The following FGFRL1 variants were observed in gnomAD, a reference collection of about 807,000 sequenced individuals.
FGFRL1 encodes fibroblast growth factor receptor-like 1.
A neutral mutation model predicts 36.8 loss-of-function variants in FGFRL1; 24 were observed. That is an observed-to-expected ratio of 0.65 (90% CI 0.47 to 0.92). FGFRL1 has a LOEUF of 0.92. FGFRL1 is among the 40% of genes least tolerant of loss of function. The pLI is 0.00. For synonymous variants in FGFRL1, 422 were observed against 344.1 expected, an observed-to-expected ratio of 1.23 and a Z score of -2.50; for missense variants, 785 against 753.4, an observed-to-expected ratio of 1.04 and a Z score of -0.49.
In FGFRL1 at chr4:1,022,416, T is replaced by G; in HGVS notation, c.293T>G (p.Val98Gly). ...GAGCGGGAGGATGCCGGCGTGTACG[T>G]GTGCAAGGCCACCAACGGCTTCGGC... The part of the protein sequence containing the change: ...QVEREDAGVY[V>G]CKATNGFGSL... Residue 98 changes from valine (V) to glycine (G), a missense_variant, in exon 3 of 7, where the codon GTG (valine) becomes GGG (glycine). Physicochemically the swap from Val to Gly is moderately radical, Grantham distance 109 (BLOSUM62 -3). Coordinates refer to ENST00000510644, the MANE Select transcript of FGFRL1 (RefSeq NM_001004356.3). 1 of 1,611,644 alleles carries G rather than the reference T, an allele frequency of 6.2e-7. No homozygotes were observed. Among genetic ancestry groups the G allele is most frequent in the South Asian group, 1.1e-5 (1 of 90,996 alleles).
chr4:1,019,806 G>C (rs1294720077), intron 2 of FGFRL1, among the ~76,000 whole-genome samples: 1 of 152,220 alleles, frequency 6.6e-6, no homozygotes. Flanking sequence ...ACGTGAGTCA[G>C]AGAAGAGACC....
rs373661955 is a variant in FGFRL1, at chr4:1,019,247, TG to T, written c.80-2950del. On this transcript the variant is annotated intron_variant, in intron 2 of 6. Coordinates refer to ENST00000510644, the MANE Select transcript of FGFRL1 (RefSeq NM_001004356.3). ...CTGAGGTGGGCTCCCTCCCCAGATG[TG>T]GGGGGCTGGGTCAGTGTGCTCCCAC... Among the ~76,000 whole-genome samples the T allele has an allele frequency of 2.1e-3, 319 of 152,244 alleles. 5 individuals carry two copies. In the South Asian group the frequency reaches 0.057, roughly 27 times the overall value.
chr4:1,017,481 G>A (rs921710885), intron 2 of FGFRL1, among the ~76,000 whole-genome samples: 9 of 152,178 alleles, frequency 5.9e-5, no homozygotes, highest in African/African-American at 1.9e-4. Flanking sequence ...AGCCCCTGCC[G>A]CAGTGAGTGC....
At position 1,023,112 on chromosome 4, in the gene FGFRL1, G is replaced by A. The variant is rs901207891; in HGVS notation, c.353-529G>A. ...AGGCCCCAGCAGGGTCTGGGGGTGC[G>A]GCCTGAGACAGCCTGGTCCTGGGCT... is the stretch of plus-strand genomic sequence containing the variant. On this transcript the variant is annotated intron_variant, in intron 3 of 6. Transcript: ENST00000510644. This position sits in a 1 kb window ranked among gnomAD's most constrained non-coding sequence, Gnocchi z 6.0. 1.4e-4 allele frequency among the ~76,000 whole-genome samples: 21 copies of A among 152,156 alleles called. No individual in the cohort carries two copies. Among genetic ancestry groups the A allele is most frequent in the Non-Finnish European group, 2.9e-5 (2 of 67,962 alleles).
chr4:1,014,951 G>C (rs1036563959), intron 2 of FGFRL1, among the ~76,000 whole-genome samples: 1 of 152,234 alleles, frequency 6.6e-6, no homozygotes, highest in Admixed American at 6.5e-5. Context: ...TCCATTGTGC[G>C]GGAATCAATG....
At chr4:1,024,813 C>T (rs1716414582) in intron 6 of FGFRL1, 92 bp from the exon 7 acceptor site, 18 of 1,414,150 alleles carry the variant, frequency 1.3e-5, no homozygotes, top group African/African-American at 2.9e-5. Context: ...CCAGGGGCAC[C>T]GTCTCCACAG....
chr4:1,025,299 C>G lies in FGFRL1; in HGVS notation c.1467C>G (p.His489Gln). ...HTHTHTHSHT[H>Q]SHVEGKVHQH... ...ACACACACACACACTCTCACACACA[C>G]TCACACGTGGAGGGCAAGGTCCACC... Residue 489 changes from histidine to glutamine, a missense_variant, in exon 7 of 7, where the codon CAC becomes CAG. Coordinates refer to ENST00000510644, the MANE Select transcript of FGFRL1 (RefSeq NM_001004356.3). 2 of 1,572,776 alleles carry G rather than the reference C, an allele frequency of 1.3e-6. No homozygotes were observed. The highest frequency in any genetic ancestry group is 8.6e-7 in the Non-Finnish European group (1 of 1,158,466).
At chr4:1,018,683 G>C (rs756160621) in intron 2 of FGFRL1, among the ~76,000 whole-genome samples, 1 of 152,200 alleles carries the variant, frequency 6.6e-6, no homozygotes, top group Non-Finnish European at 1.5e-5. Flanking sequence ...GAGGCAGCCG[G>C]TCTTCCCACC....
chr4:1,021,954 G>A (rs1716203951), intron 2 of FGFRL1, among the ~76,000 whole-genome samples: 1 of 152,230 alleles, frequency 6.6e-6, no homozygotes, highest in African/African-American at 2.4e-5. Context: ...GGGCCACGGG[G>A]CTGCCCCGGC....
intron 2 of FGFRL1, among the ~76,000 whole-genome samples, chr4:1,018,780 G>A (rs928391800): frequency 9.9e-5 from 15 of 152,192 alleles, no homozygotes; most frequent in Non-Finnish European, 1.5e-4. Flanking sequence ...TGCCCTGGCC[G>A]CTGTCCTGGT....
At position 1,023,705 on chromosome 4, in the gene FGFRL1, C is replaced by T. The variant is rs376193356; in HGVS notation, c.417C>T (p.Pro139=). ...PDSSSGGQED[P]ASQQWARPRF... is the part of the protein sequence containing the mutation. The stretch of plus-strand genomic sequence containing the variant: ...GCTCCTCTGGGGGTCAAGAGGACCC[C>T]GCCAGCCAGCAGTGGGGTGAGCAGG... The change falls in exon 4 of 7, where the codon CCC becomes CCT. Residue 139 remains proline, a synonymous_variant. Transcript: ENST00000510644. This position sits in a 1 kb window ranked among gnomAD's most constrained non-coding sequence, Gnocchi z 6.0. 1.8e-4 allele frequency: 282 copies of T among 1,588,774 alleles called. 1 individual carries two copies. The highest frequency in any genetic ancestry group is 2.2e-4 in the Non-Finnish European group (262 of 1,169,926).
rs1716449848 is a variant in FGFRL1, at chr4:1,025,246, C to T, written c.1414C>T (p.Pro472Ser). Residue 472 changes from proline to serine, a missense_variant, in exon 7 of 7, where the codon CCC becomes TCC. Physicochemically the swap from Pro to Ser is moderately conservative, Grantham distance 74. Transcript: ENST00000510644. ...CCCAGTTGCTGGCCCTAAGTTGTAC[C>T]CCAAACTCTACACAGACATCCACAC... ...PGPVAGPKLY[P>S]KLYTDIHTHT... The T allele has an allele frequency of 6.2e-6, 10 of 1,608,318 alleles. No homozygotes were observed. Among genetic ancestry groups the T allele is most frequent in the Non-Finnish European group, 8.5e-6 (10 of 1,177,900 alleles).
At chr4:1,024,868 G>T in intron 6 of FGFRL1, 37 bp from the exon 7 acceptor site, 1 of 1,547,256 alleles carries the variant, frequency 6.5e-7, no homozygotes, top group Non-Finnish European at 8.7e-7. Flanking sequence ...TTGTGTCGGC[G>T]TTCCCCTCCC....
At chr4:1,016,680 C>T (rs534785258) in intron 2 of FGFRL1, among the ~76,000 whole-genome samples, 1 of 152,242 alleles carries the variant, frequency 6.6e-6, no homozygotes, top group East Asian at 1.9e-4. Flanking sequence ...TGTGGGTCTG[C>T]TCCCCGAGGG....
At chr4:1,015,749 C>T (rs966234429) in intron 2 of FGFRL1, among the ~76,000 whole-genome samples, 2 of 152,224 alleles carry the variant, frequency 1.3e-5, no homozygotes, top group Non-Finnish European at 2.9e-5. Context: ...CCGCTGGGCA[C>T]GGTGACACCC....
chr4:1,019,611 A>G (rs1354595218), intron 2 of FGFRL1, among the ~76,000 whole-genome samples: 2 of 152,162 alleles, frequency 1.3e-5, no homozygotes, highest in Admixed American at 1.3e-4. Context: ...CCCCGGGACA[A>G]ATTTGCCAGA....
At chr4:1,014,465 G>C (rs1715778538) in intron 2 of FGFRL1, among the ~76,000 whole-genome samples, 1 of 152,202 alleles carries the variant, frequency 6.6e-6, no homozygotes, top group South Asian at 2.1e-4. Context: ...CCAGCTCTGA[G>C]TGGCCTGCCT....
At chr4:1,018,501 C>T (rs148239190) in intron 2 of FGFRL1, among the ~76,000 whole-genome samples, 43 of 152,314 alleles carry the variant, frequency 2.8e-4, no homozygotes, top group African/African-American at 1.0e-3. Flanking sequence ...CCCTTGGTGT[C>T]CTGCCTGTGC....
rs758783277 is a variant in FGFRL1 at position 1,023,969 on chromosome 4, G to T, written c.586G>T (p.Ala196Ser). The T allele has an allele frequency of 1.0e-5, 16 of 1,598,556 alleles. No individual in the cohort carries two copies. Among genetic ancestry groups the T allele is most frequent in the Non-Finnish European group, 1.4e-5 (16 of 1,175,066 alleles). Residue 196 changes from alanine to serine, a missense_variant, in exon 5 of 7, where the codon GCC becomes TCC. Coordinates refer to ENST00000510644, the MANE Select transcript of FGFRL1 (RefSeq NM_001004356.3). The surrounding 1 kb of genome is among the most constrained non-coding windows in gnomAD (Gnocchi z 6.0). ...CGACCAGGCCTTGACGCGCCCAGAG[G>T]CCGCTGAGCCCAGGAAGAAGAAGTG... is the stretch of plus-strand genomic sequence containing the variant. The part of the protein sequence containing the change: ...KDDQALTRPE[A>S]AEPRKKKWTL...
Sources: gnomAD v4.1 joint callset for allele counts (sites outside exome capture counted in the v4.1 genomes callset) on GRCh38, gnomAD v4.1.1 for gene constraint, Gnocchi (gnomAD v3.1) non-coding constraint, MANE v1.5 for transcripts, NCBI Gene and HGNC (gene_info 2026-07-23, HGNC 2026-07-21) for gene names.